Variants in ANKS1B observed in about 807,000 individuals in gnomAD.
ANKS1B encodes the protein ankyrin repeat and sterile alpha motif domain-containing protein 1B.
In ANKS1B, 36 loss-of-function variants were observed where a neutral mutation model predicts 148.3. The observed-to-expected ratio is 0.24, with a 90% confidence interval of 0.19 to 0.32. The LOEUF is 0.32. Ranked by LOEUF, ANKS1B falls within the 10% of genes least tolerant of loss-of-function variation. The pLI, the probability that ANKS1B is intolerant of heterozygous loss-of-function variation, is 1.00. For synonymous variants in ANKS1B, 542 were observed against 560.8 expected, an observed-to-expected ratio of 0.97 and a Z score of 0.47; for missense variants, 1,157 against 1,542.6, an observed-to-expected ratio of 0.75 and a Z score of 4.19.
chr12:99,452,821 T>C (rs1227711837), intron 10 of ANKS1B, among the ~76,000 whole-genome samples: 1 of 152,212 alleles, frequency 6.6e-6, no homozygotes. Context: ...TCCATTACTA[T>C]CACCAACAAT....
chr12:98,857,941 T>A (rs1408197739), intron 17 of ANKS1B, among the ~76,000 whole-genome samples: 2 of 152,220 alleles, frequency 1.3e-5, no homozygotes, highest in African/African-American at 4.8e-5. Flanking sequence ...TAACACACTA[T>A]GGTGTAGTCT....
chr12:99,016,533 G>A (rs1455589375), intron 17 of ANKS1B, among the ~76,000 whole-genome samples: 1 of 152,184 alleles, frequency 6.6e-6, no homozygotes, highest in Non-Finnish European at 1.5e-5. Flanking sequence ...GCACATGCCT[G>A]TAATTTCAGC....
chr12:99,117,123 A>G (rs2061603682), intron 15 of ANKS1B, among the ~76,000 whole-genome samples: 2 of 152,194 alleles, frequency 1.3e-5, no homozygotes, highest in Non-Finnish European at 2.9e-5. Context: ...GGTTTTCTAA[A>G]TATATAATCA....
In ANKS1B at chr12:99,005,152, A is replaced by G. The variant is rs571443988; in HGVS notation, c.2778+48005T>C. Among the ~76,000 whole-genome samples, 11 of 152,354 alleles carry G rather than the reference A, an allele frequency of 7.2e-5. No homozygotes were observed. In the South Asian group the frequency reaches 2.3e-3, roughly 32 times the overall value. ...GAGGCAGACACCTCTTAATAGGCAC[A>G]TCTCTCCAAAGTTTCCCACCAGGGG... is the stretch of plus-strand genomic sequence containing the variant. On this transcript the variant is annotated intron_variant, in intron 17 of 26. Transcript: ENST00000683438.
intron 10 of ANKS1B, among the ~76,000 whole-genome samples, chr12:99,458,243 C>T (rs867690153): frequency 3.8e-4 from 57 of 151,846 alleles, no homozygotes; most frequent in African/African-American, 1.2e-3. Flanking sequence ...AGTGACACAA[C>T]CTATCAAAAC....
intron 8 of ANKS1B, among the ~76,000 whole-genome samples, chr12:99,746,284 T>C (rs376573434): frequency 1.3e-5 from 2 of 152,310 alleles, no homozygotes; most frequent in African/African-American, 4.8e-5. Context: ...AATAATTCAG[T>C]GTAACAAATA....
Position 99,648,830 on chromosome 12 carries a change from G to T in ANKS1B, c.1272+6237C>A, listed in dbSNP as rs765335986. 153 of 1,569,026 alleles carry T rather than the reference G, an allele frequency of 9.8e-5. 1 individual carries two copies. In the Admixed American group the frequency reaches 1.5e-3, roughly 16 times the overall value. On this transcript the variant is annotated intron_variant, in intron 9 of 26. Coordinates refer to ENST00000683438, the MANE Select transcript of ANKS1B (RefSeq NM_001352186.2). ...GACTAGATGGGGCCTGGATGCTTTG[G>T]GGGAGAGCAGGTACAGGTCCTGTAA...
chr12:99,560,385 A>AT (rs1260999490), intron 9 of ANKS1B, among the ~76,000 whole-genome samples: 7 of 144,978 alleles, frequency 4.8e-5, no homozygotes, highest in East Asian at 4.3e-4. Flanking sequence ...GTTTTCTATG[A>AT]TTTTTTTTAA....
At chr12:99,936,830 T>C (rs868410005) in intron 1 of ANKS1B, among the ~76,000 whole-genome samples, 8 of 152,346 alleles carry the variant, frequency 5.3e-5, no homozygotes, top group Middle Eastern at 3.4e-3. Context: ...AATGGTTATA[T>C]AGCTTCCAAC....
At chr12:99,470,112 C>T (rs948894146) in intron 10 of ANKS1B, among the ~76,000 whole-genome samples, 4 of 147,572 alleles carry the variant, frequency 2.7e-5, no homozygotes, top group Admixed American at 6.7e-5. Flanking sequence ...GAGACTCTGT[C>T]TCTAATAATA....
intron 10 of ANKS1B, among the ~76,000 whole-genome samples, chr12:99,466,537 G>A (rs1053994658): frequency 2.3e-4 from 35 of 150,982 alleles, no homozygotes; most frequent in South Asian, 6.2e-4. Flanking sequence ...TTGATAGACC[G>A]CTAGCAAGAC....
chr12:98,839,891 A>G (rs1159495013), intron 17 of ANKS1B, among the ~76,000 whole-genome samples: 5 of 152,188 alleles, frequency 3.3e-5, no homozygotes, highest in Non-Finnish European at 5.9e-5. Flanking sequence ...CTGTTGACAC[A>G]TGATACATCC....
chr12:99,623,274 C>T (rs2098076060), intron 9 of ANKS1B, among the ~76,000 whole-genome samples: 1 of 151,806 alleles, frequency 6.6e-6, no homozygotes, highest in African/African-American at 2.4e-5. Flanking sequence ...AATGAGTCAT[C>T]TATAACAAAC....
At chr12:99,855,118 A>G (rs2088776382) in intron 1 of ANKS1B, among the ~76,000 whole-genome samples, 1 of 152,194 alleles carries the variant, frequency 6.6e-6, no homozygotes, top group South Asian at 2.1e-4. Context: ...TGCAGAATGG[A>G]TAAGAATTCA....
Position 98,751,623 on chromosome 12 carries a change from G to T in ANKS1B, c.3580-101C>A. ...AGGGAGGTGAACTAGGGAGGAACTT[G>T]AACTACTTCACCAGAGGCAGCAGCG... On this transcript the variant is annotated intron_variant, in intron 25 of 26. Transcript: ENST00000683438. The surrounding 1 kb of genome is among the most constrained non-coding windows in gnomAD (Gnocchi z 4.3). 1 of 1,116,254 alleles carries T rather than the reference G, an allele frequency of 9.0e-7. No individual in the cohort carries two copies. Among genetic ancestry groups the T allele is most frequent in the Non-Finnish European group, 1.3e-6 (1 of 757,452 alleles). The allele number at this position is 1,116,254 out of a possible 1,614,324, so 69.1% of individuals were successfully genotyped here. A position where few individuals can be genotyped will look rare whatever the true frequency, so the allele number is the denominator to read the frequency against.
intron 7 of ANKS1B, among the ~76,000 whole-genome samples, chr12:99,775,234 T>C (rs1191385123): frequency 6.6e-6 from 1 of 152,144 alleles, no homozygotes; most frequent in African/African-American, 2.4e-5. Context: ...CCACAAAGTA[T>C]ATATCAAGTT....
chr12:99,877,274 C>T (rs950901394), intron 1 of ANKS1B, among the ~76,000 whole-genome samples: 1 of 152,182 alleles, frequency 6.6e-6, no homozygotes, highest in Non-Finnish European at 1.5e-5. Context: ...TTGTTCTCTT[C>T]TACTCTCTGG....
intron 9 of ANKS1B, among the ~76,000 whole-genome samples, chr12:99,621,815 C>T (rs2098054834): frequency 6.6e-6 from 1 of 151,052 alleles, no homozygotes; most frequent in South Asian, 2.1e-4. Flanking sequence ...TAGTGGAGGA[C>T]TTCAATATCC....
intron 17 of ANKS1B, among the ~76,000 whole-genome samples, chr12:98,863,164 T>A (rs1473874337): frequency 1.3e-5 from 2 of 152,244 alleles, no homozygotes; most frequent in African/African-American, 4.8e-5. Flanking sequence ...TTGTCCTGCA[T>A]AATTAAGTTT....
Sources: gnomAD v4.1 joint callset for allele counts (sites outside exome capture counted in the v4.1 genomes callset) on GRCh38, gnomAD v4.1.1 for gene constraint, Gnocchi (gnomAD v3.1) non-coding constraint, MANE v1.5 for transcripts, NCBI Gene and HGNC (gene_info 2026-07-23, HGNC 2026-07-21) for gene names.